The following LRP1B variants were observed in gnomAD, a reference collection of about 807,000 sequenced individuals.
LRP1B encodes the protein LDL receptor related protein 1B, also known as low-density lipoprotein receptor-related protein 1B.
Under a neutral mutation model 556.6 loss-of-function variants are expected in LRP1B, and 217 were observed. That is an observed-to-expected ratio of 0.39 (90% CI 0.35 to 0.44). LRP1B has a LOEUF of 0.44. Ranked by LOEUF, LRP1B falls within the 20% of genes least tolerant of loss-of-function variation. LRP1B has a pLI of 1.00. For missense variants in LRP1B, 5,053 were observed against 5,620.8 expected (o/e 0.90, Z 3.23); for synonymous variants, 2,047 against 1,865.8 (o/e 1.10, Z -2.50).
chr2:141,279,743 T>TA (rs1370991173), intron 3 of LRP1B, among the ~76,000 whole-genome samples: 1 of 152,108 alleles, frequency 6.6e-6, no homozygotes, highest in African/African-American at 2.4e-5. Flanking sequence ...AGCTCTGACT[T>TA]ACGATTTGTC....
In LRP1B at chr2:141,619,535, G is replaced by A. The variant is rs112904456; in HGVS notation, c.206-139002C>T. On this transcript the variant is annotated intron_variant, in intron 2 of 90. Transcript: ENST00000389484. Reference sequence around the variant, plus strand: ...ATTCAATTAATTTGCATTGTAATCCGCCTGTCTGATTAGTTTCATTTAAAT... The same window carrying A: ...ATTCAATTAATTTGCATTGTAATCCACCTGTCTGATTAGTTTCATTTAAAT... 7.1e-3 allele frequency among the ~76,000 whole-genome samples: 1,076 copies of A among 152,220 alleles called. 15 individuals are homozygous for A. The highest frequency in any genetic ancestry group is 0.023 in the African/African-American group (955 of 41,538).
At chr2:141,274,831 T>C (rs924513804) in intron 3 of LRP1B, among the ~76,000 whole-genome samples, 14 of 152,202 alleles carry the variant, frequency 9.2e-5, no homozygotes, top group Admixed American at 9.2e-4. Flanking sequence ...CCTTAAATTC[T>C]AATATATAAT....
rs545658709 is a variant in LRP1B at position 140,233,412 on chromosome 2, C to T, written c.13660-86G>A. The T allele has an allele frequency of 6.2e-5, 53 of 851,330 alleles. No homozygotes were observed. The South Asian group carries it at 7.7e-4, about 12-fold the overall frequency. 52.7% of individuals were successfully genotyped at this position (851,330 alleles called of 1,614,324 possible). On this transcript the variant is annotated intron_variant, in intron 90 of 90. Transcript: ENST00000389484. ...CTTCCTAGAATGTCCATCTCCTAAT[C>T]GTAACAATATTTATATGCAATACAT...
intron 79 of LRP1B, among the ~76,000 whole-genome samples, chr2:140,330,434 C>G (rs1239190683): frequency 6.6e-6 from 1 of 151,762 alleles, no homozygotes; most frequent in Non-Finnish European, 1.5e-5. Context: ...TTACAACCAT[C>G]TGATTTTCAA....
At chr2:141,647,334 G>C (rs1689608752) in intron 2 of LRP1B, among the ~76,000 whole-genome samples, 1 of 152,156 alleles carries the variant, frequency 6.6e-6, no homozygotes, top group African/African-American at 2.4e-5. Flanking sequence ...GAAGCCAAGT[G>C]TTCCTGATTA....
chr2:141,136,867 AAC>A (rs1701505401), intron 7 of LRP1B, among the ~76,000 whole-genome samples: 1 of 151,876 alleles, frequency 6.6e-6, no homozygotes, highest in Non-Finnish European at 1.5e-5. Flanking sequence ...ATGAAGATGA[AAC>A]AGTTTGTATA....
chr2:140,483,640 A>AT (rs1178469364), intron 59 of LRP1B, among the ~76,000 whole-genome samples: 139 of 70,730 alleles, frequency 2.0e-3, no homozygotes, highest in East Asian at 0.013. Context: ...ATATATATAT[A>AT]TTTTTTTTTT....
At chr2:140,549,264 C>A (rs531572722) in intron 43 of LRP1B, among the ~76,000 whole-genome samples, 1 of 152,098 alleles carries the variant, frequency 6.6e-6, no homozygotes, top group Non-Finnish European at 1.5e-5. Context: ...CAGGGACTCA[C>A]TTTGGGTAGC....
chr2:140,749,654 G>A (rs1035810679), intron 35 of LRP1B, among the ~76,000 whole-genome samples: 1 of 152,156 alleles, frequency 6.6e-6, no homozygotes. Context: ...CACACATGGA[G>A]CTGTCATCTC....
intron 1 of LRP1B, among the ~76,000 whole-genome samples, chr2:141,840,357 G>A (rs953707181): frequency 7.3e-5 from 10 of 137,212 alleles, no homozygotes; most frequent in Non-Finnish European, 1.5e-4. Flanking sequence ...TCCGCCTCCC[G>A]GGTTCACGCC....
intron 49 of LRP1B, among the ~76,000 whole-genome samples, chr2:140,517,268 G>A (rs1483068196): frequency 1.3e-5 from 2 of 151,540 alleles, no homozygotes; most frequent in Non-Finnish European, 2.9e-5. Context: ...TTATAGTAAT[G>A]TAAAATTGGT....
In LRP1B at chr2:141,524,263, A is replaced by AATATATATATAT. The variant is rs76874852; in HGVS notation, c.206-43742_206-43731dup. On this transcript the variant is annotated intron_variant, in intron 2 of 90. Coordinates refer to ENST00000389484, the MANE Select transcript of LRP1B (RefSeq NM_018557.3). ...CTGCCTGTGAAAGCTATAAGCAAAG[A>AATATATATATAT]ATATATATATATATATAAAACTCAA... 2.3e-3 allele frequency among the ~76,000 whole-genome samples: 340 copies of AATATATATATAT among 148,098 alleles called. 2 individuals carry two copies. Among genetic ancestry groups the AATATATATATAT allele is most frequent in the Middle Eastern group, 3.5e-3 (1 of 286 alleles).
intron 1 of LRP1B, among the ~76,000 whole-genome samples, chr2:141,981,954 A>G (rs1029161197): frequency 6.6e-6 from 1 of 152,080 alleles, no homozygotes; most frequent in East Asian, 1.9e-4. Context: ...CAGAACCTCC[A>G]TTTTCTTAGA....
At chr2:140,664,472 A>C (rs1685200924) in intron 41 of LRP1B, among the ~76,000 whole-genome samples, 1 of 152,170 alleles carries the variant, frequency 6.6e-6, no homozygotes. Context: ...ATAAAGAAAA[A>C]AATTAAAATA....
At chr2:140,932,916 C>CACACACACACACAT (rs766679275) in intron 20 of LRP1B, among the ~76,000 whole-genome samples, 3 of 147,518 alleles carry the variant, frequency 2.0e-5, no homozygotes, top group East Asian at 2.0e-4. Context: ...CACACACACA[C>CACACACACACACAT]ATATATATGT....
At chr2:141,408,841 C>T (rs1690741393) in intron 3 of LRP1B, among the ~76,000 whole-genome samples, 1 of 152,040 alleles carries the variant, frequency 6.6e-6, no homozygotes, top group Admixed American at 6.6e-5. Context: ...TCCCTATCAC[C>T]TTCACTTATC....
intron 7 of LRP1B, among the ~76,000 whole-genome samples, chr2:141,107,578 G>T (rs1410919305): frequency 6.6e-6 from 1 of 152,092 alleles, no homozygotes; most frequent in Non-Finnish European, 1.5e-5. Context: ...CCCAGAAGGT[G>T]GAGGTTGCAG....
rs142361003 is a variant in LRP1B at position 140,247,126 on chromosome 2, C to A, written c.13284G>T (p.Arg4428Ser). Residue 4428 changes from arginine to serine, a missense_variant, in exon 87 of 91, where the codon AGG (arginine) becomes AGT (serine). Physicochemically the swap from Arg to Ser is moderately radical, Grantham distance 110. Coordinates refer to ENST00000389484, the MANE Select transcript of LRP1B (RefSeq NM_018557.3). ...CAGACTTGCTGCTCTTTGGGGCTGGCCTTTCACACTGTGTGCCTGACCAGT... is the reference window on the plus strand; with the variant it reads ...CAGACTTGCTGCTCTTTGGGGCTGGACTTTCACACTGTGTGCCTGACCAGT... ...STNWSGTQCE[R>S]PAPKSSKSDH... 203 of 1,609,396 alleles carry A rather than the reference C, an allele frequency of 1.3e-4. 4 individuals are homozygous for A. In the South Asian group the frequency reaches 2.0e-3, roughly 16 times the overall value.
intron 7 of LRP1B, among the ~76,000 whole-genome samples, chr2:141,114,064 G>T (rs1700819579): frequency 6.6e-6 from 1 of 152,230 alleles, no homozygotes; most frequent in Non-Finnish European, 1.5e-5. Flanking sequence ...TGAAGCAGGA[G>T]AATTCACTGA....
Sources: gnomAD v4.1 joint callset for allele counts (sites outside exome capture counted in the v4.1 genomes callset) on GRCh38, gnomAD v4.1.1 for gene constraint, MANE v1.5 for transcripts, NCBI Gene and HGNC (gene_info 2026-07-23, HGNC 2026-07-21) for gene names.